The following ARID1A variants were observed in gnomAD, a reference collection of about 807,000 sequenced individuals.
ARID1A encodes AT-rich interaction domain 1A.
Under a neutral mutation model 212.6 loss-of-function variants are expected in ARID1A, and 20 were observed. The ratio of observed to expected loss-of-function variants is 0.09; its 90% CI spans 0.07 to 0.14. ARID1A has a LOEUF of 0.14. ARID1A is among the 10% of genes least tolerant of loss of function. ARID1A has a pLI of 1.00. For missense variants in ARID1A, 2,587 were observed against 3,059.0 expected, an observed-to-expected ratio of 0.85 and a Z score of 3.64; for synonymous variants, 1,376 against 1,222.1, an observed-to-expected ratio of 1.13 and a Z score of -2.63.
rs1415291674 is a variant in ARID1A at position 26,696,340 on chromosome 1, G to C, written c.-64G>C. The C allele has an allele frequency of 1.7e-6, 2 of 1,209,470 alleles. No homozygotes were observed. The highest frequency in any genetic ancestry group is 1.6e-5 in the African/African-American group (1 of 62,546). 74.9% of individuals were successfully genotyped at this position (1,209,470 alleles called of 1,614,324 possible). A position where few individuals can be genotyped will look rare whatever the true frequency, so the allele number is the denominator to read the frequency against. ...CCCGGGGGACTGGGCCCCGGGGCGG[G>C]GTGGGAGGGGGGGAGAAGACGAAGA... On this transcript the variant is annotated 5_prime_UTR_variant, in exon 1 of 20. Coordinates refer to ENST00000324856, the MANE Select transcript of ARID1A (RefSeq NM_006015.6).
At chr1:26,754,512 A>G (rs190875347) in intron 4 of ARID1A, among the ~76,000 whole-genome samples, 1 of 152,270 alleles carries the variant, frequency 6.6e-6, no homozygotes, top group Admixed American at 6.5e-5. Flanking sequence ...ATTCATGCAT[A>G]TGCCCCAGGG....
At chr1:26,775,245 T>C in intron 18 of ARID1A, 25 bp downstream of exon 18, 1 of 1,546,918 alleles carries the variant, frequency 6.5e-7, no homozygotes, top group Non-Finnish European at 8.7e-7. Context: ...CTCATTCGGT[T>C]GCCTAATCTG....
chr1:26,748,052 C>A (rs1570590923), intron 4 of ARID1A, among the ~76,000 whole-genome samples: 1 of 152,182 alleles, frequency 6.6e-6, no homozygotes, highest in African/African-American at 2.4e-5. Context: ...CCCTCTCCCC[C>A]TAAATATTTG....
At position 26,782,104 on chromosome 1, in the gene ARID1A, A is replaced by C. The variant is rs923333401; in HGVS notation, c.*1348A>C. ...AATAAATGTACATTAAATCTTGGTA[A>C]GACTTTTGTGAAGCTTTTTATTGTT... is the stretch of plus-strand genomic sequence containing the variant. On this transcript the variant is annotated 3_prime_UTR_variant, in exon 20 of 20. Transcript: ENST00000324856. 8 of 224,042 alleles carry C rather than the reference A, an allele frequency of 3.6e-5. No homozygotes were observed. Among genetic ancestry groups the C allele is most frequent in the African/African-American group, 1.6e-4 (7 of 44,920 alleles). The allele number at this position is 224,042 out of a possible 1,614,324, so 13.9% of individuals were successfully genotyped here. A position where few individuals can be genotyped will look rare whatever the true frequency, so the allele number is the denominator to read the frequency against.
chr1:26,731,658 G>A (rs2124790816), intron 3 of ARID1A, 54 bp downstream of exon 3: 19 of 1,574,774 alleles, frequency 1.2e-5, no homozygotes, highest in Non-Finnish European at 1.6e-5. Context: ...GACAGCTTGG[G>A]GGTTAGTGTC....
rs1431099668 is a variant in ARID1A, at chr1:26,697,190, T to A, written c.787T>A (p.Ser263Thr). 1.4e-6 allele frequency: 2 copies of A among 1,424,426 alleles called. No individual in the cohort carries two copies. The highest frequency in any genetic ancestry group is 1.5e-5 in the South Asian group (1 of 65,664). The allele number at this position is 1,424,426 out of a possible 1,614,324, so 88.2% of individuals were successfully genotyped here. Residue 263 changes from serine (S) to threonine (T), a missense_variant, in exon 1 of 20, where the codon TCT becomes ACT. By Grantham distance (58) the Ser-to-Thr change is moderately conservative. This residue lies in a region of ARID1A where 735 missense variants were observed against 590.6 expected (regional missense o/e 1.24). Transcript: ENST00000324856. ...PSSSASASSS[S>T]SSFAQQRFGA... Reference sequence around the variant, plus strand: ...CTCCAGCGCCTCCGCCTCCTCGTCGTCTTCGTCCTTCGCTCAGCAGCGCTT... The same window carrying A: ...CTCCAGCGCCTCCGCCTCCTCGTCGACTTCGTCCTTCGCTCAGCAGCGCTT...
intron 4 of ARID1A, among the ~76,000 whole-genome samples, chr1:26,743,619 G>C (rs1033315550): frequency 1.3e-5 from 2 of 151,554 alleles, no homozygotes; most frequent in African/African-American, 4.9e-5. Context: ...GTCATCATGA[G>C]GTCAAGAGTT....
intron 1 of ARID1A, among the ~76,000 whole-genome samples, chr1:26,711,547 C>A (rs1328086272): frequency 6.6e-6 from 1 of 152,120 alleles, no homozygotes; most frequent in African/African-American, 2.4e-5. Flanking sequence ...GTTAGGGCTT[C>A]AACATTAATT....
At position 26,779,130 on chromosome 1, in the gene ARID1A, A is replaced by G. The variant is rs2124137337; in HGVS notation, c.5232A>G (p.Leu1744=). ...TGGGTGACCCAGGACAGAGAACGCT[A>G]CTGGATCCTGGGAGGTTCAGCAAGG... The part of the protein sequence containing the change: ...YEVGDPGQRT[L]LDPGRFSKVS... The change falls in exon 20 of 20, where the codon CTA becomes CTG. Residue 1744 remains leucine, a synonymous_variant. Coordinates refer to ENST00000324856, the MANE Select transcript of ARID1A (RefSeq NM_006015.6). 1 of 1,581,002 alleles carries G rather than the reference A, an allele frequency of 6.3e-7. No homozygotes were observed.
At chr1:26,729,524 T>C in intron 1 of ARID1A, 127 bp from the exon 2 acceptor site, 1 of 1,111,586 alleles carries the variant, frequency 9.0e-7, no homozygotes, top group Non-Finnish European at 1.3e-6. Flanking sequence ...GTTGGTCTCA[T>C]TGCTCTTTCA....
intron 7 of ARID1A, 30 bp downstream of exon 7, chr1:26,762,349 A>G (rs368408740): frequency 3.8e-6 from 6 of 1,599,606 alleles, no homozygotes; most frequent in Middle Eastern, 1.7e-4. Context: ...AGGAGTAGAT[A>G]CGGGTGAGAG....
intron 4 of ARID1A, among the ~76,000 whole-genome samples, chr1:26,757,704 G>A (rs1438670531): frequency 2.0e-5 from 3 of 151,294 alleles, no homozygotes; most frequent in Admixed American, 6.6e-5. Context: ...GTCTCACTCT[G>A]TCACCCAGGC....
Position 26,696,146 on chromosome 1 carries a change from T to C in ARID1A, c.-258T>C, listed in dbSNP as rs2080247752. On this transcript the variant is annotated 5_prime_UTR_variant, in exon 1 of 20. Transcript: ENST00000324856. ...AGCCGGGAGAGCCGGGTCCCGAGCC[T>C]ACAGAGCCGGGAGCAGCTGAGCCGC... is the stretch of plus-strand genomic sequence containing the variant. 2 of 488,000 alleles carry C rather than the reference T, an allele frequency of 4.1e-6. No homozygotes were observed. The highest frequency in any genetic ancestry group is 5.8e-6 in the Non-Finnish European group (2 of 342,730). 30.2% of individuals were successfully genotyped at this position (488,000 alleles called of 1,614,324 possible).
intron 4 of ARID1A, among the ~76,000 whole-genome samples, chr1:26,736,046 C>T (rs889819313): frequency 3.3e-5 from 5 of 152,126 alleles, no homozygotes; most frequent in East Asian, 3.9e-4. Flanking sequence ...AAAAAAAGGC[C>T]GGGCGTGGTG....
intron 1 of ARID1A, 131 bp from the exon 2 acceptor site, chr1:26,729,520 C>T: frequency 9.5e-7 from 1 of 1,051,460 alleles, no homozygotes; most frequent in Non-Finnish European, 1.4e-6. Flanking sequence ...CTAGGTTGGT[C>T]TCATTGCTCT....
chr1:26,696,860 C>G lies in ARID1A; in HGVS notation c.457C>G (p.Pro153Ala). Residue 153 changes from proline to alanine, a missense_variant, in exon 1 of 20, where the codon CCC (proline) becomes GCC (alanine). Pro to Ala is a conservative substitution (Grantham distance 27, BLOSUM62 -1). Transcript: ENST00000324856. ...LPPPAYGFGQ[P>A]YGRSPSAVAA... The stretch of plus-strand genomic sequence containing the variant: ...GCCCCCAGCCTACGGCTTCGGGCAA[C>G]CCTACGGCCGGAGCCCGTCTGCCGT... 7.4e-7 allele frequency: 1 copy of G among 1,353,688 alleles called. No homozygotes were observed. The highest frequency in any genetic ancestry group is 9.5e-7 in the Non-Finnish European group (1 of 1,054,808). 83.9% of individuals were successfully genotyped at this position (1,353,688 alleles called of 1,614,324 possible). A position where few individuals can be genotyped will look rare whatever the true frequency, so the allele number is the denominator to read the frequency against.
intron 1 of ARID1A, among the ~76,000 whole-genome samples, chr1:26,706,395 G>C (rs896956479): frequency 1.3e-5 from 2 of 152,144 alleles, no homozygotes; most frequent in African/African-American, 4.8e-5. Flanking sequence ...TTAAGATCTA[G>C]CACCAGGGGT....
At chr1:26,713,037 C>G (rs758991570) in intron 1 of ARID1A, among the ~76,000 whole-genome samples, 3 of 152,190 alleles carry the variant, frequency 2.0e-5, no homozygotes, top group Admixed American at 6.5e-5. Flanking sequence ...TCACTGGGAC[C>G]TAGCTGCAAT....
rs1051773929 is a variant in ARID1A at position 26,707,191 on chromosome 1, G to A, written c.1137+9651G>A. On this transcript the variant is annotated intron_variant, in intron 1 of 19. Transcript: ENST00000324856. ...TGGGACTACAGGCATGCGCCACCGC[G>A]GCTGGCTAATTTTTTTTTTTTTTTT... Among the ~76,000 whole-genome samples, 4 of 150,314 alleles carry A rather than the reference G, an allele frequency of 2.7e-5. No homozygotes were observed. The East Asian group carries it at 5.8e-4, about 22-fold the overall frequency.
Sources: allele counts gnomAD v4.1 joint callset (sites outside exome capture counted in the v4.1 genomes callset), GRCh38; gene constraint gnomAD v4.1.1; regional missense constraint gnomAD v4.1.1; transcripts MANE v1.5; gene names NCBI Gene and HGNC (gene_info 2026-07-23, HGNC 2026-07-21).